Variants in FANCA observed in about 807,000 individuals in gnomAD.
FANCA encodes the protein Fanconi anemia group A protein.
In FANCA, 236 loss-of-function variants were observed where a neutral mutation model predicts 194.3. The ratio of observed to expected loss-of-function variants is 1.21; its 90% CI spans 1.09 to 1.35. FANCA has a LOEUF of 1.35. FANCA is among the 40% of genes most tolerant of loss of function. The probability of loss-of-function intolerance (pLI) is 0.00; values close to 1 mark genes in which losing one functional copy is unlikely to be tolerated. For synonymous variants in FANCA, 1,014 were observed against 715.8 expected (o/e 1.42, Z -6.65); for missense variants, 2,628 against 1,813.9 (o/e 1.45, Z -8.15).
chr16:89,792,598 TG>T, intron 11 of FANCA, 51 bp from the exon 12 acceptor site: 1 of 1,537,338 alleles, frequency 6.5e-7, no homozygotes, highest in Non-Finnish European at 8.8e-7. Flanking sequence ...CAAAAAGTTG[TG>T]GGTTTTTGTT....
At chr16:89,795,582 G>A (rs2040216899) in intron 11 of FANCA, among the ~76,000 whole-genome samples, 1 of 152,218 alleles carries the variant, frequency 6.6e-6, no homozygotes, top group South Asian at 2.1e-4. Context: ...AGGTTGCAGT[G>A]AGCTGAGATC....
Position 89,770,319 on chromosome 16 carries a change from C to G in FANCA, c.2223-60G>C, listed in dbSNP as rs991864987. 3.3e-5 allele frequency: 46 copies of G among 1,414,822 alleles called. No individual in the cohort carries two copies. The African/African-American group carries it at 5.5e-4, about 17-fold the overall frequency. The allele number at this position is 1,414,822 out of a possible 1,614,324, so 87.6% of individuals were successfully genotyped here. A position where few individuals can be genotyped will look rare whatever the true frequency, so the allele number is the denominator to read the frequency against. ...CATTCAGTCCTGCACATCCCTCCAACAGCTAATCCAACCACCAGCGGCCGA... is the reference window on the plus strand; with the variant it reads ...CATTCAGTCCTGCACATCCCTCCAAGAGCTAATCCAACCACCAGCGGCCGA... On this transcript the variant is annotated intron_variant, in intron 24 of 42. Transcript: ENST00000389301.
intron 14 of FANCA, among the ~76,000 whole-genome samples, chr16:89,785,806 G>A (rs559055167): frequency 2.2e-4 from 33 of 151,020 alleles, no homozygotes; most frequent in South Asian, 4.2e-4. Context: ...GAACTCCAAC[G>A]TGAACTGAAG....
At chr16:89,770,497 G>A (rs1398524786) in intron 24 of FANCA, 67 bp downstream of exon 24, 7 of 1,445,160 alleles carry the variant, frequency 4.8e-6, no homozygotes, top group Non-Finnish European at 6.7e-6. Flanking sequence ...CTGGTCTGCA[G>A]ACTTGGCCCA....
chr16:89,739,988 T>C lies in FANCA; in HGVS notation c.3934+6A>G, dbSNP rs2062087601. 1.2e-6 allele frequency: 2 copies of C among 1,614,086 alleles called. No individual in the cohort carries two copies. Among genetic ancestry groups the C allele is most frequent in the East Asian group, 2.2e-5 (1 of 44,878 alleles). On this transcript the variant is annotated splice_donor_region_variant and intron_variant, in intron 39 of 42. Transcript: ENST00000389301. ...CGCATTTGTGCCTCAGCAGCGTGTTTCTTACCACTCTCTGTCAACTGAAAG... is the reference window on the plus strand; with the variant it reads ...CGCATTTGTGCCTCAGCAGCGTGTTCCTTACCACTCTCTGTCAACTGAAAG...
chr16:89,749,854 C>A lies in FANCA; in HGVS notation c.3115G>T (p.Gly1039Cys). ...AAGTGCTCCTGGGAAGGGGTGTGGC[C>A]GAGAGGCACTATGAGGTCTTGCTGC... Reference protein sequence around the residue: ...ELQQDLIVPLGHTPSQEHFLF... With the variant: ...ELQQDLIVPLCHTPSQEHFLF... The change falls in exon 32 of 43, where the codon GGC (glycine) becomes TGC (cysteine). Residue 1039 changes from glycine (G) to cysteine (C), a missense_variant. Coordinates refer to ENST00000389301, the MANE Select transcript of FANCA (RefSeq NM_000135.4). 1 of 1,614,162 alleles carries A rather than the reference C, an allele frequency of 6.2e-7. No homozygotes were observed. The highest frequency in any genetic ancestry group is 8.5e-7 in the Non-Finnish European group (1 of 1,180,016).
chr16:89,788,784 T>C (rs6500448), intron 14 of FANCA, among the ~76,000 whole-genome samples: 71,726 of 151,676 alleles, frequency 0.47, 19,689 homozygotes, highest in East Asian at 0.76. Flanking sequence ...TGGGCAACAC[T>C]CAGTCTCTTA....
At chr16:89,816,313 G>GGA (rs1480058561) in intron 1 of FANCA, 4 of 243,574 alleles carry the variant, frequency 1.6e-5, no homozygotes, top group Admixed American at 5.6e-5. Context: ...GGGAAAGAAG[G>GGA]GAGCGCCCCG....
At chr16:89,758,431 G>A (rs920199863) in intron 30 of FANCA, 146 bp downstream of exon 30, 2 of 884,790 alleles carry the variant, frequency 2.3e-6, no homozygotes, top group Non-Finnish European at 1.8e-6. Context: ...GTTGCCAAAG[G>A]AGACTGACAT....
chr16:89,814,461 G>C, intron 3 of FANCA, 59 bp downstream of exon 3: 2 of 1,286,740 alleles, frequency 1.6e-6, no homozygotes, highest in Non-Finnish European at 2.2e-6. Context: ...AGCAAACTAT[G>C]GTTACTATAT....
intron 10 of FANCA, chr16:89,798,366 C>G (rs2040318857): frequency 3.8e-6 from 4 of 1,041,498 alleles, no homozygotes; most frequent in Non-Finnish European, 4.6e-6. Flanking sequence ...CAGGAAATCA[C>G]ACAGTGCTTT....
rs754740338 is a variant in FANCA at position 89,791,390 on chromosome 16, G to A, written c.1359+13C>T. ...AGATCAGGTATTAGGTAGCCGATTG[G>A]CAGGTCACTTACCTTGAACCAGTCT... is the stretch of plus-strand genomic sequence containing the variant. On this transcript the variant is annotated intron_variant, in intron 14 of 42. Transcript: ENST00000389301. The A allele has an allele frequency of 2.7e-5, 43 of 1,613,282 alleles. No individual in the cohort carries two copies. Among genetic ancestry groups the A allele is most frequent in the Non-Finnish European group, 3.5e-5 (41 of 1,179,700 alleles).
intron 5 of FANCA, 137 bp downstream of exon 5, chr16:89,810,570 C>CT (rs2040837539): frequency 1.4e-5 from 10 of 726,986 alleles, no homozygotes; most frequent in Non-Finnish European, 2.2e-5. Context: ...TTTCTAAACC[C>CT]TTTTTCATCC....
In FANCA at chr16:89,737,958, T is replaced by C. The variant is rs370763750; in HGVS notation, c.*643A>G. ...GGGCTGTGGCCCTCGCACCTTCTTA[T>C]CTGCCTCTGTCCCCCAGGTGTGAGG... On this transcript the variant is annotated 3_prime_UTR_variant, in exon 43 of 43. Transcript: ENST00000389301. The C allele has an allele frequency of 6.8e-6, 11 of 1,613,998 alleles. No homozygotes were observed. The Admixed American group carries it at 8.3e-5, about 12-fold the overall frequency.
chr16:89,788,039 A>T (rs1006750678), intron 14 of FANCA, among the ~76,000 whole-genome samples: 5 of 151,930 alleles, frequency 3.3e-5, no homozygotes, highest in Non-Finnish European at 7.4e-5. Context: ...ATACCAGCTA[A>T]ATTTTGTATT....
chr16:89,762,659 G>A (rs1381455373), intron 28 of FANCA: 1 of 310,872 alleles, frequency 3.2e-6, no homozygotes, highest in Non-Finnish European at 6.7e-6. Context: ...TTTGGAAACA[G>A]GTTCTGTTGC....
In FANCA at chr16:89,758,621, A is replaced by G. The variant is rs762638564; in HGVS notation, c.2937T>C (p.Ala979=). 3.1e-6 allele frequency: 5 copies of G among 1,613,972 alleles called. No individual in the cohort carries two copies. In the African/African-American group the frequency reaches 6.7e-5, roughly 22 times the overall value. ...ASGGCDGDLQ[A]ACTILVNALM... ...GTGCGTTGACAAGAATGGTACACGC[A>G]GCCTGCAGGTCTCCGTCACAGCCCC... Residue 979 remains alanine, a synonymous_variant, in exon 30 of 43, where the codon GCT becomes GCC. Coordinates refer to ENST00000389301, the MANE Select transcript of FANCA (RefSeq NM_000135.4).
intron 13 of FANCA, 143 bp downstream of exon 13, chr16:89,791,769 GTCTGACAAAGAATGT>G: frequency 9.6e-7 from 1 of 1,039,972 alleles, no homozygotes; most frequent in South Asian, 1.4e-5. Context: ...TTATGGAAGC[GTCTGACAAAGAATGT>G]TCCATCGACA....
rs761988162 is a variant in FANCA at position 89,739,290 on chromosome 16, C to A, written c.4011-1G>T. The stretch of plus-strand genomic sequence containing the variant: ...GTCTTCATGGAAGTAGGAGAGAAGA[C>A]TAGAGGTAAAGACATAGTGACAAAT... On this transcript the variant is annotated splice_acceptor_variant, in intron 40 of 42. Coordinates refer to ENST00000389301, the MANE Select transcript of FANCA (RefSeq NM_000135.4). LOFTEE classifies it high-confidence loss of function. 1 of 1,614,138 alleles carries A rather than the reference C, an allele frequency of 6.2e-7. No homozygotes were observed. The highest frequency in any genetic ancestry group is 8.5e-7 in the Non-Finnish European group (1 of 1,180,030).
Sources: allele counts gnomAD v4.1 joint callset (sites outside exome capture counted in the v4.1 genomes callset), GRCh38; gene constraint gnomAD v4.1.1; transcripts MANE v1.5; gene names NCBI Gene and HGNC (gene_info 2026-07-23, HGNC 2026-07-21).